The following SND1 variants were observed in gnomAD, a reference collection of about 807,000 sequenced individuals.
SND1 encodes the protein staphylococcal nuclease domain-containing protein 1.
Under a neutral mutation model 121.7 loss-of-function variants are expected in SND1, and 38 were observed. That is an observed-to-expected ratio of 0.31 (90% confidence interval 0.24 to 0.41). The LOEUF (loss-of-function observed/expected upper bound fraction) is 0.41. Among genes scored for constraint, SND1 ranks in the 10% least tolerant of loss-of-function variants. The pLI, the probability that SND1 is intolerant of heterozygous loss-of-function variation, is 1.00. For synonymous variants in SND1, 401 were observed against 447.4 expected (o/e 0.90, Z 1.31); for missense variants, 868 against 1,184.6 (o/e 0.73, Z 3.92).
intron 16 of SND1, among the ~76,000 whole-genome samples, chr7:127,993,504 C>T (rs371329660): frequency 6.6e-6 from 1 of 152,266 alleles, no homozygotes; most frequent in African/African-American, 2.4e-5. Context: ...CAGCTCTTAC[C>T]TTCCAGGCAG....
chr7:127,756,701 C>G (rs1455108032), intron 10 of SND1, among the ~76,000 whole-genome samples: 1 of 152,174 alleles, frequency 6.6e-6, no homozygotes, highest in Non-Finnish European at 1.5e-5. Context: ...CTGAGCTTCC[C>G]CAAATCACTT....
intron 14 of SND1, among the ~76,000 whole-genome samples, chr7:127,925,325 A>G (rs1396330585): frequency 2.0e-5 from 3 of 152,192 alleles, no homozygotes; most frequent in Non-Finnish European, 4.4e-5. Context: ...GTGGAGGGGA[A>G]TATTGGTGTA....
At chr7:128,057,407 A>T (rs1793160781) in intron 16 of SND1, among the ~76,000 whole-genome samples, 1 of 152,224 alleles carries the variant, frequency 6.6e-6, no homozygotes, top group Non-Finnish European at 1.5e-5. Flanking sequence ...TCGTTTAACA[A>T]GATTAAAGTT....
In SND1 at chr7:127,877,604, T is replaced by A. The variant is rs1482882677; in HGVS notation, c.1344-10298T>A. 4.6e-5 allele frequency among the ~76,000 whole-genome samples: 7 copies of A among 152,188 alleles called. No individual in the cohort carries two copies. The East Asian group carries it at 1.4e-3, about 29-fold the overall frequency. The stretch of plus-strand genomic sequence containing the variant: ...ACATTTCTCTATCATCCTTCTTATT[T>A]ATTTATTTATAAGAGGTGAGGTTTT... On this transcript the variant is annotated intron_variant, in intron 12 of 23. Transcript: ENST00000354725.
Position 127,769,698 on chromosome 7 carries a change from G to A in SND1, c.1153-37786G>A, listed in dbSNP as rs867721955. On this transcript the variant is annotated intron_variant, in intron 10 of 23. Coordinates refer to ENST00000354725, the MANE Select transcript of SND1 (RefSeq NM_014390.4). ...AAAAAAATCTGGGTGTTTGTGTGTT[G>A]TATATGTGTATATATATAAATGCAT... 4.6e-5 allele frequency among the ~76,000 whole-genome samples: 7 copies of A among 151,994 alleles called. No individual in the cohort carries two copies. The South Asian group carries it at 1.2e-3, about 27-fold the overall frequency.
At chr7:127,922,343 T>C (rs900963850) in intron 14 of SND1, among the ~76,000 whole-genome samples, 9 of 152,014 alleles carry the variant, frequency 5.9e-5, no homozygotes, top group African/African-American at 2.2e-4. Flanking sequence ...GGGTCCCTAA[T>C]CTATTCCTCT....
At chr7:127,937,814 C>G (rs572862743) in intron 15 of SND1, among the ~76,000 whole-genome samples, 15 of 152,302 alleles carry the variant, frequency 9.8e-5, no homozygotes, top group Admixed American at 2.6e-4. Context: ...TGGTGGATCC[C>G]CATTGATTAC....
chr7:127,750,131 T>C (rs1797059809), intron 10 of SND1, among the ~76,000 whole-genome samples: 1 of 151,974 alleles, frequency 6.6e-6, no homozygotes, highest in Non-Finnish European at 1.5e-5. Flanking sequence ...AAAAAACGAG[T>C]AAGTGAAGTT....
At position 128,046,365 on chromosome 7, in the gene SND1, G is replaced by GTT. The variant is rs373853260; in HGVS notation, c.1780-28120_1780-28119dup. Among the ~76,000 whole-genome samples the GTT allele has an allele frequency of 7.2e-3, 829 of 115,240 alleles. 17 individuals are homozygous for GTT. The highest frequency in any genetic ancestry group is 0.01 in the Non-Finnish European group (583 of 56,152). 75.6% of individuals were successfully genotyped at this position (115,240 alleles called of 152,430 possible). A position where few individuals can be genotyped will look rare whatever the true frequency, so the allele number is the denominator to read the frequency against. On this transcript the variant is annotated intron_variant, in intron 16 of 23. Transcript: ENST00000354725. ...GGGTTTTTTTTTTGGTTGTTGTTGT[G>GTT]TTTTTTTTTTTTTTTTTTGAGACAG...
At chr7:128,025,967 T>C (rs898144256) in intron 16 of SND1, among the ~76,000 whole-genome samples, 1 of 151,798 alleles carries the variant, frequency 6.6e-6, no homozygotes, top group African/African-American at 2.4e-5. Flanking sequence ...CACAGACCCT[T>C]AGTCATTGCA....
At chr7:127,817,721 CTTTTTTT>C (rs72233818) in intron 11 of SND1, among the ~76,000 whole-genome samples, 5,394 of 103,760 alleles carry the variant, frequency 0.052, 257 homozygotes, top group African/African-American at 0.17. Context: ...TTCCTTCATA[CTTTTTTT>C]TTTTTTTTTT....
intron 16 of SND1, among the ~76,000 whole-genome samples, chr7:128,069,322 A>G: frequency 6.6e-6 from 1 of 152,214 alleles, no homozygotes. Flanking sequence ...CCATCCCACC[A>G]GGGCATCACT....
intron 11 of SND1, among the ~76,000 whole-genome samples, chr7:127,837,557 G>A (rs1003605134): frequency 6.6e-6 from 1 of 152,200 alleles, no homozygotes; most frequent in African/African-American, 2.4e-5. Context: ...TCTCTTGAGA[G>A]ATGAGCAGTT....
chr7:127,698,989 G>T (rs559758548), intron 4 of SND1, 36 bp downstream of exon 4: 2 of 1,562,432 alleles, frequency 1.3e-6, no homozygotes, highest in African/African-American at 1.4e-5. Context: ...CTCTGACAGC[G>T]GTAAATTGGC....
chr7:128,063,535 G>A (rs770851236), intron 16 of SND1, among the ~76,000 whole-genome samples: 2 of 152,216 alleles, frequency 1.3e-5, no homozygotes, highest in Non-Finnish European at 2.9e-5. Context: ...GTACCCAAAG[G>A]TAGTATTCTG....
At chr7:127,762,352 T>A (rs1234193408) in intron 10 of SND1, among the ~76,000 whole-genome samples, 1 of 152,194 alleles carries the variant, frequency 6.6e-6, no homozygotes, top group African/African-American at 2.4e-5. Flanking sequence ...TTTGGTTTCT[T>A]CTGAGACCTC....
In SND1 at chr7:127,762,621, A is replaced by C. The variant is rs148286333; in HGVS notation, c.1152+41221A>C. 4.6e-3 allele frequency among the ~76,000 whole-genome samples: 701 copies of C among 152,326 alleles called. 2 individuals carry two copies. Among genetic ancestry groups the C allele is most frequent in the Admixed American group, 0.011 (169 of 15,304 alleles). ...TAGTTCAGTCTATGACAGTTACCTA[A>C]ACATAGTTGGCAGCTTAGTCTAGTA... On this transcript the variant is annotated intron_variant, in intron 10 of 23. Coordinates refer to ENST00000354725, the MANE Select transcript of SND1 (RefSeq NM_014390.4).
In SND1 at chr7:127,698,870, C is replaced by T; in HGVS notation, c.350-5C>T. ...TGTTTTTAAATCCCCCCTTTTCCTC[C>T]TCAGATACCAATGGGGAAAACATTG... On this transcript the variant is annotated splice_polypyrimidine_tract_variant and splice_region_variant and intron_variant, in intron 3 of 23. Transcript: ENST00000354725. 1 of 1,613,352 alleles carries T rather than the reference C, an allele frequency of 6.2e-7. No individual in the cohort carries two copies. Among genetic ancestry groups the T allele is most frequent in the Non-Finnish European group, 8.5e-7 (1 of 1,179,398 alleles).
intron 12 of SND1, among the ~76,000 whole-genome samples, chr7:127,851,017 AT>A (rs1799156401): frequency 6.6e-6 from 1 of 152,288 alleles, no homozygotes; most frequent in African/African-American, 2.4e-5. Context: ...TTGTTCAGAT[AT>A]TTCGTGGCTG....
Sources: allele counts gnomAD v4.1 joint callset (sites outside exome capture counted in the v4.1 genomes callset), GRCh38; gene constraint gnomAD v4.1.1; transcripts MANE v1.5; gene names NCBI Gene and HGNC (gene_info 2026-07-23, HGNC 2026-07-21).